SLC24A3: variants seen among roughly 807,000 people sequenced by gnomAD.
SLC24A3 encodes solute carrier family 24 member 3.
A neutral mutation model predicts 75.8 loss-of-function variants in SLC24A3; 28 were observed. The observed-to-expected ratio is 0.37, with a 90% CI of 0.27 to 0.51. The LOEUF (loss-of-function observed/expected upper bound fraction) is 0.51. Ranked by LOEUF, SLC24A3 falls within the 20% of genes least tolerant of loss-of-function variation. The pLI is 0.94. For synonymous variants in SLC24A3, 372 were observed against 334.1 expected (o/e 1.11, Z -1.24); for missense variants, 663 against 847.8 (o/e 0.78, Z 2.71).
intron 2 of SLC24A3, among the ~76,000 whole-genome samples, chr20:19,448,671 C>G (rs1987429448): frequency 6.6e-6 from 1 of 152,156 alleles, no homozygotes; most frequent in South Asian, 2.1e-4. Flanking sequence ...TTCAAGCTAC[C>G]TTTTGGTCAA....
intron 2 of SLC24A3, among the ~76,000 whole-genome samples, chr20:19,322,435 C>T (rs1394453901): frequency 2.8e-5 from 4 of 143,588 alleles, no homozygotes; most frequent in Non-Finnish European, 6.0e-5. Context: ...TCCTTACATC[C>T]GTTTTTAATC....
rs1471786142 is a variant in SLC24A3 at position 19,281,023 on chromosome 20, G to A, written c.207G>A (p.Gln69=). The A allele has an allele frequency of 1.2e-6, 2 of 1,614,170 alleles. No individual in the cohort carries two copies. The highest frequency in any genetic ancestry group is 1.1e-5 in the South Asian group (1 of 91,072). ...RKWMMARKLM[Q]VNDTLTSEDA... ...GGATGATGGCGAGGAAGCTGATGCAGGTGAACGACACTCTGACTTCCGAAG... is the reference window on the plus strand; with the variant it reads ...GGATGATGGCGAGGAAGCTGATGCAAGTGAACGACACTCTGACTTCCGAAG... Residue 69 remains glutamine, a synonymous_variant, in exon 2 of 17, where the codon CAG becomes CAA. Transcript: ENST00000328041.
At chr20:19,241,358 A>C (rs1982322216) in intron 1 of SLC24A3, among the ~76,000 whole-genome samples, 1 of 152,096 alleles carries the variant, frequency 6.6e-6, no homozygotes, top group African/African-American at 2.4e-5. Context: ...GGGGCTTGGG[A>C]GTGCCCCATG....
In SLC24A3 at chr20:19,238,749, TCTCTGCAGCATGCAA is replaced by T. The variant is rs368182342; in HGVS notation, c.142+25766_142+25780del. Among the ~76,000 whole-genome samples, 397 of 152,196 alleles carry T rather than the reference TCTCTGCAGCATGCAA, an allele frequency of 2.6e-3. 1 individual carries two copies. Among genetic ancestry groups the T allele is most frequent in the African/African-American group, 9.1e-3 (376 of 41,522 alleles). On this transcript the variant is annotated intron_variant, in intron 1 of 16. Transcript: ENST00000328041. ...GTCCCCGCCCTGGTCTGGTGTTGGG[TCTCTGCAGCATGCAA>T]AGGGGATGGCCAGACAAGACACACC... is the stretch of plus-strand genomic sequence containing the variant.
intron 2 of SLC24A3, among the ~76,000 whole-genome samples, chr20:19,383,398 A>AC (rs1012203650): frequency 5.9e-5 from 9 of 151,534 alleles, no homozygotes; most frequent in African/African-American, 2.2e-4. Context: ...TTTTCCCACT[A>AC]CCCCCAGGCA....
intron 2 of SLC24A3, among the ~76,000 whole-genome samples, chr20:19,513,736 T>TTAAAA (rs1555797242): frequency 4.1e-5 from 5 of 123,248 alleles, no homozygotes; most frequent in South Asian, 4.8e-4. Flanking sequence ...GCTTTTTTTT[T>TTAAAA]AGAAAAAAAA....
rs117250409 is a variant in SLC24A3, at chr20:19,474,990, C to T, written c.272-40498C>T. 1.1e-4 allele frequency among the ~76,000 whole-genome samples: 17 copies of T among 152,236 alleles called. No homozygotes were observed. The East Asian group carries it at 3.3e-3, about 30-fold the overall frequency. ...GGTATCTTCTGATATGAAAAAGGCTCTCTGACACTAACAGTTCACAATAGA... is the reference window on the plus strand; with the variant it reads ...GGTATCTTCTGATATGAAAAAGGCTTTCTGACACTAACAGTTCACAATAGA... On this transcript the variant is annotated intron_variant, in intron 2 of 16. Coordinates refer to ENST00000328041, the MANE Select transcript of SLC24A3 (RefSeq NM_020689.4).
intron 3 of SLC24A3, among the ~76,000 whole-genome samples, chr20:19,546,165 A>AAAAAAAAAAAAAAAAC (rs2030589089): frequency 1.1e-5 from 1 of 91,000 alleles, no homozygotes; most frequent in African/African-American, 3.2e-5. Context: ...TCTCAAAAAA[A>AAAAAAAAAAAAAAAAC]AAAAAAAAAA....
intron 2 of SLC24A3, among the ~76,000 whole-genome samples, chr20:19,450,405 C>T (rs943643148): frequency 6.6e-6 from 1 of 152,126 alleles, no homozygotes; most frequent in Non-Finnish European, 1.5e-5. Flanking sequence ...TCATGAGACA[C>T]TGTGATATTT....
At chr20:19,521,875 C>T (rs1353653555) in intron 3 of SLC24A3, among the ~76,000 whole-genome samples, 1 of 152,146 alleles carries the variant, frequency 6.6e-6, no homozygotes, top group Admixed American at 6.5e-5. Flanking sequence ...CCCATCTCCT[C>T]CAGTATTTTG....
chr20:19,268,188 G>A (rs1167576995), intron 1 of SLC24A3, among the ~76,000 whole-genome samples: 1 of 152,162 alleles, frequency 6.6e-6, no homozygotes, highest in African/African-American at 2.4e-5. Flanking sequence ...TTTCCTTCAG[G>A]TCCCTCACCT....
intron 2 of SLC24A3, among the ~76,000 whole-genome samples, chr20:19,485,031 G>A (rs1303520063): frequency 2.0e-5 from 3 of 152,172 alleles, no homozygotes; most frequent in Non-Finnish European, 2.9e-5. Flanking sequence ...AAATGTGTTG[G>A]CAATAGCATG....
At chr20:19,282,183 A>G (rs1293543534) in intron 2 of SLC24A3, among the ~76,000 whole-genome samples, 1 of 152,362 alleles carries the variant, frequency 6.6e-6, no homozygotes, top group East Asian at 1.9e-4. Flanking sequence ...TCTATTGGGA[A>G]GATGGGTGGG....
intron 15 of SLC24A3, among the ~76,000 whole-genome samples, chr20:19,711,014 GCC>G (rs1359970297): frequency 6.7e-5 from 1 of 15,010 alleles, no homozygotes; most frequent in African/African-American, 2.9e-4. Context: ...CAGTCTCACT[GCC>G]TCCCAGTATG....
At chr20:19,680,191 T>G (rs1237464859) in intron 9 of SLC24A3, among the ~76,000 whole-genome samples, 1 of 147,624 alleles carries the variant, frequency 6.8e-6, no homozygotes, top group African/African-American at 2.5e-5. Context: ...TGTATGTGCA[T>G]GTGTGTGTGT....
intron 4 of SLC24A3, among the ~76,000 whole-genome samples, chr20:19,582,442 C>T (rs1002383057): frequency 1.3e-5 from 2 of 152,076 alleles, no homozygotes; most frequent in Admixed American, 1.3e-4. Flanking sequence ...GGCAGATTCT[C>T]GCTCAGTCTC....
intron 6 of SLC24A3, among the ~76,000 whole-genome samples, chr20:19,642,422 G>A (rs979421924): frequency 6.6e-6 from 1 of 152,184 alleles, no homozygotes; most frequent in African/African-American, 2.4e-5. Context: ...ACTGAAATGA[G>A]GAAGTGCATA....
intron 1 of SLC24A3, among the ~76,000 whole-genome samples, chr20:19,233,156 A>G (rs942429361): frequency 2.6e-5 from 4 of 152,214 alleles, no homozygotes; most frequent in South Asian, 2.1e-4. Context: ...CAAAATTTTA[A>G]CTGTCAACTG....
chr20:19,658,429 C>A (rs931307311), intron 7 of SLC24A3, among the ~76,000 whole-genome samples: 1 of 152,196 alleles, frequency 6.6e-6, no homozygotes, highest in African/African-American at 2.4e-5. Context: ...TTCACTCGGA[C>A]GGAGACGTGG....
Sources: allele counts gnomAD v4.1 joint callset (sites outside exome capture counted in the v4.1 genomes callset), GRCh38; gene constraint gnomAD v4.1.1; transcripts MANE v1.5; gene names NCBI Gene and HGNC (gene_info 2026-07-23, HGNC 2026-07-21).